MCF2L2: variants seen among roughly 807,000 people sequenced by gnomAD.
MCF2L2 encodes the protein MCF.2 cell line derived transforming sequence-like 2, also known as probable guanine nucleotide exchange factor MCF2L2.
A neutral mutation model predicts 150.2 loss-of-function variants in MCF2L2; 102 were observed. The observed-to-expected ratio is 0.68, with a 90% CI of 0.58 to 0.80. MCF2L2 has a LOEUF of 0.80. Among genes scored for constraint, MCF2L2 ranks in the 30% least tolerant of loss-of-function variants. The pLI, the probability that MCF2L2 is intolerant of heterozygous loss-of-function variation, is 0.00. For missense variants in MCF2L2, 1,256 were observed against 1,372.8 expected (o/e 0.91, Z 1.34); for synonymous variants, 465 against 491.3 (o/e 0.95, Z 0.71).
intron 20 of MCF2L2, among the ~76,000 whole-genome samples, chr3:183,221,289 C>T (rs574537801): frequency 6.6e-6 from 1 of 152,294 alleles, no homozygotes; most frequent in South Asian, 2.1e-4. Flanking sequence ...CAGTGAAAGG[C>T]AGCTAACAAA....
At chr3:183,395,409 G>C (rs1014462014) in intron 1 of MCF2L2, among the ~76,000 whole-genome samples, 2 of 152,258 alleles carry the variant, frequency 1.3e-5, no homozygotes, top group Admixed American at 1.3e-4. Context: ...TATGAGAAAA[G>C]AATATATGAA....
At chr3:183,291,584 C>A (rs1728148780) in intron 13 of MCF2L2, among the ~76,000 whole-genome samples, 3 of 152,214 alleles carry the variant, frequency 2.0e-5, no homozygotes, top group Admixed American at 1.3e-4. Context: ...AGCTCTTAAG[C>A]CCCTCCACAC....
At chr3:183,413,399 G>A (rs1715423211) in intron 1 of MCF2L2, among the ~76,000 whole-genome samples, 1 of 152,094 alleles carries the variant, frequency 6.6e-6, no homozygotes, top group Admixed American at 6.6e-5. Flanking sequence ...TATTGTTAGG[G>A]TCACCCCAAC....
chr3:183,212,871 C>G (rs1399055209), intron 22 of MCF2L2, among the ~76,000 whole-genome samples: 1 of 147,832 alleles, frequency 6.8e-6, no homozygotes, highest in Non-Finnish European at 1.5e-5. Flanking sequence ...CTGTTGGGCG[C>G]CAGGCACAGT....
At chr3:183,398,994 TAACA>T (rs1190513332) in intron 1 of MCF2L2, among the ~76,000 whole-genome samples, 3 of 152,222 alleles carry the variant, frequency 2.0e-5, no homozygotes, top group Non-Finnish European at 4.4e-5. Context: ...TCCTCACTAC[TAACA>T]GAGTTGGAAA....
At chr3:183,371,619 C>T (rs906287440) in intron 3 of MCF2L2, among the ~76,000 whole-genome samples, 1 of 149,248 alleles carries the variant, frequency 6.7e-6, no homozygotes, top group African/African-American at 2.5e-5. Context: ...AGGCTTATGC[C>T]ACCAGGCCCA....
At chr3:183,327,839 C>G (rs1326148076) in intron 5 of MCF2L2, among the ~76,000 whole-genome samples, 1 of 152,140 alleles carries the variant, frequency 6.6e-6, no homozygotes, top group Non-Finnish European at 1.5e-5. Flanking sequence ...TGTATTCAGT[C>G]TTTGTCCCTG....
intron 15 of MCF2L2, chr3:183,269,839 A>T (rs1726569279): frequency 3.1e-6 from 5 of 1,612,550 alleles, no homozygotes; most frequent in Non-Finnish European, 4.2e-6. Flanking sequence ...AAAAAATGGC[A>T]GTTAATTATT....
rs923240408 is a variant in MCF2L2 at position 183,197,354 on chromosome 3, G to T, written c.2885-2099C>A. Among the ~76,000 whole-genome samples the T allele has an allele frequency of 1.3e-5, 2 of 152,164 alleles. No individual in the cohort carries two copies. The highest frequency in any genetic ancestry group is 1.3e-4 in the Admixed American group (2 of 15,276). ...TAAATCATCAATTGGAGAAAGAATAGTGTTTTTAACAACTGGCAATGGAAA... is the reference window on the plus strand; with the variant it reads ...TAAATCATCAATTGGAGAAAGAATATTGTTTTTAACAACTGGCAATGGAAA... On this transcript the variant is annotated intron_variant, in intron 25 of 29. Coordinates refer to ENST00000328913, the MANE Select transcript of MCF2L2 (RefSeq NM_015078.4). This position sits in a 1 kb window ranked among gnomAD's most constrained non-coding sequence, Gnocchi z 4.5.
chr3:183,295,582 C>T (rs978719758), intron 12 of MCF2L2, 105 bp from the exon 13 acceptor site: 14 of 1,132,588 alleles, frequency 1.2e-5, no homozygotes, highest in Non-Finnish European at 1.8e-5. Flanking sequence ...CCCATCCCTA[C>T]CTCCCTCAGG....
intron 15 of MCF2L2, among the ~76,000 whole-genome samples, chr3:183,233,076 C>A (rs982416712): frequency 6.6e-6 from 1 of 152,132 alleles, no homozygotes; most frequent in African/African-American, 2.4e-5. Flanking sequence ...ATGGGCCGGG[C>A]ATGGTGGTTC....
At chr3:183,351,484 T>C (rs1003689748) in intron 3 of MCF2L2, among the ~76,000 whole-genome samples, 2 of 152,024 alleles carry the variant, frequency 1.3e-5, no homozygotes, top group Non-Finnish European at 2.9e-5. Context: ...CCATCCTGTT[T>C]GTCTAGCACT....
intron 10 of MCF2L2, among the ~76,000 whole-genome samples, chr3:183,304,491 G>A (rs1354280052): frequency 8.0e-6 from 1 of 124,972 alleles, no homozygotes; most frequent in Non-Finnish European, 1.6e-5. Flanking sequence ...TTTTGAGATG[G>A]AATCTTGCTC....
chr3:183,183,641 G>A (rs767723730), intron 27 of MCF2L2, among the ~76,000 whole-genome samples: 13 of 152,162 alleles, frequency 8.5e-5, no homozygotes, highest in African/African-American at 7.2e-5. Flanking sequence ...TAATAACATC[G>A]ATTTTGCAGT....
chr3:183,241,436 T>C (rs1724022859), intron 15 of MCF2L2, among the ~76,000 whole-genome samples: 2 of 152,188 alleles, frequency 1.3e-5, no homozygotes, highest in African/African-American at 2.4e-5. Flanking sequence ...TGGAAAGTAA[T>C]TGAATCATGA....
At chr3:183,364,290 G>T (rs2108569816) in intron 3 of MCF2L2, among the ~76,000 whole-genome samples, 1 of 152,222 alleles carries the variant, frequency 6.6e-6, no homozygotes, top group South Asian at 2.1e-4. Flanking sequence ...GGCGAGGCGG[G>T]CGGATCACAA....
chr3:183,355,956 G>A (rs1577087025), intron 3 of MCF2L2, among the ~76,000 whole-genome samples: 1 of 151,768 alleles, frequency 6.6e-6, no homozygotes, highest in South Asian at 2.1e-4. Flanking sequence ...CCCTCCCCTT[G>A]TGAATAAAGA....
Position 183,223,351 on chromosome 3 carries a change from A to G in MCF2L2, c.2296T>C (p.Leu766=). 1 of 1,612,816 alleles carries G rather than the reference A, an allele frequency of 6.2e-7. No homozygotes were observed. Reference sequence around the variant, plus strand: ...CACTGTCTCATTGATTTTACCTTCAACAGCATCTGGTATTTTATAAGTCTC... The same window carrying G: ...CACTGTCTCATTGATTTTACCTTCAGCAGCATCTGGTATTTTATAAGTCTC... ...SQRLIKYQML[L]KGLLDFESPE... Residue 766 remains leucine, a synonymous_variant, in exon 20 of 30, where the codon TTG becomes CTG. Transcript: ENST00000328913.
At chr3:183,296,725 C>T (rs1341515198) in intron 12 of MCF2L2, 3 of 426,026 alleles carry the variant, frequency 7.0e-6, no homozygotes, top group Admixed American at 3.9e-5. Flanking sequence ...GCACTCAGCA[C>T]AGCACATGGT....
Sources: allele counts gnomAD v4.1 joint callset (sites outside exome capture counted in the v4.1 genomes callset), GRCh38; gene constraint gnomAD v4.1.1; non-coding constraint Gnocchi (gnomAD v3.1); transcripts MANE v1.5; gene names NCBI Gene and HGNC (gene_info 2026-07-23, HGNC 2026-07-21).